FA2H: variants seen among roughly 807,000 people sequenced by gnomAD.
FA2H encodes fatty acid alpha-hydroxylase.
FA2H carries 22 observed loss-of-function variants against 44.9 expected under a neutral mutation model. The ratio of observed to expected loss-of-function variants is 0.49; its 90% CI spans 0.35 to 0.70. FA2H has a LOEUF of 0.70. Ranked by LOEUF, FA2H falls within the 30% of genes least tolerant of loss-of-function variation. The probability of loss-of-function intolerance (pLI) is 0.01; values close to 1 mark genes in which losing one functional copy is unlikely to be tolerated. For synonymous variants in FA2H, 243 were observed against 213.2 expected (o/e 1.14, Z -1.22); for missense variants, 501 against 504.9 (o/e 0.99, Z 0.07).
At chr16:74,755,180 G>A (rs1037677370) in intron 1 of FA2H, among the ~76,000 whole-genome samples, 2 of 149,512 alleles carry the variant, frequency 1.3e-5, no homozygotes, top group East Asian at 2.0e-4. Context: ...TGGCAGGGCT[G>A]GGGGGTGTTG....
Position 74,740,898 on chromosome 16 carries a change from T to C in FA2H, c.271-783A>G, listed in dbSNP as rs1962283384. Among the ~76,000 whole-genome samples the C allele has an allele frequency of 2.0e-5, 3 of 152,026 alleles. No individual in the cohort carries two copies. The South Asian group carries it at 6.2e-4, about 31-fold the overall frequency. The stretch of plus-strand genomic sequence containing the variant: ...CTGATGAGTCACAGGCTGTGGCTTC[T>C]AGGGCCACATACCCACAAGAAAGAA... On this transcript the variant is annotated intron_variant, in intron 1 of 6. Coordinates refer to ENST00000219368, the MANE Select transcript of FA2H (RefSeq NM_024306.5).
intron 1 of FA2H, among the ~76,000 whole-genome samples, chr16:74,765,609 C>T (rs1962795384): frequency 6.6e-6 from 1 of 152,144 alleles, no homozygotes; most frequent in African/African-American, 2.4e-5. Flanking sequence ...CTCTGCTGCC[C>T]AGACTGGAGT....
chr16:74,716,355 T>C lies in FA2H; in HGVS notation c.1031A>G (p.Gln344Arg). Residue 344 changes from glutamine (Q) to arginine (R), a missense_variant, in exon 6 of 7, where the codon CAG (glutamine) becomes CGG (arginine). Gln to Arg is a conservative substitution (Grantham distance 43). Coordinates refer to ENST00000219368, the MANE Select transcript of FA2H (RefSeq NM_024306.5). ...AHHVKHHFAH[Q>R]KSGFGISTKL... Reference sequence around the variant, plus strand: ...CACAGGCCCATCCTCACCTGACTTCTGATGTGCAAAGTGGTGCTTGACGTG... The same window carrying C: ...CACAGGCCCATCCTCACCTGACTTCCGATGTGCAAAGTGGTGCTTGACGTG... The C allele has an allele frequency of 1.2e-6, 2 of 1,613,890 alleles. No individual in the cohort carries two copies. Among genetic ancestry groups the C allele is most frequent in the Non-Finnish European group, 8.5e-7 (1 of 1,179,920 alleles).
intron 4 of FA2H, 67 bp from the exon 5 acceptor site, chr16:74,719,227 T>G: frequency 7.0e-7 from 1 of 1,422,264 alleles, no homozygotes; most frequent in Non-Finnish European, 9.8e-7. Flanking sequence ...CAGGTGTCCC[T>G]GCCTCACCAT....
At chr16:74,716,638 G>C (rs1481989094) in intron 5 of FA2H, 39 bp from the exon 6 acceptor site, 15 of 1,522,996 alleles carry the variant, frequency 9.8e-6, no homozygotes, top group Middle Eastern at 3.5e-4. Context: ...AGGCAGCCAG[G>C]GGCCCCGGCA....
intron 2 of FA2H, among the ~76,000 whole-genome samples, chr16:74,736,111 G>A (rs1484255245): frequency 6.6e-6 from 1 of 152,216 alleles, no homozygotes; most frequent in Admixed American, 6.5e-5. Context: ...GGAAGCAGAG[G>A]GCAGTGCCCA....
In FA2H at chr16:74,757,040, G is replaced by GA. The variant is rs139531844; in HGVS notation, c.271-16926dup. Among the ~76,000 whole-genome samples the GA allele has an allele frequency of 2.0e-3, 287 of 145,968 alleles. 1 individual carries two copies. The highest frequency in any genetic ancestry group is 6.8e-3 in the Middle Eastern group (2 of 292). On this transcript the variant is annotated intron_variant, in intron 1 of 6. Transcript: ENST00000219368. Reference sequence around the variant, plus strand: ...CAAGGAAATTTAAAGGTTTTGCGTTGAAAAAAAAAACATTAAGCAAGGCAA... The same window carrying GA: ...CAAGGAAATTTAAAGGTTTTGCGTTGAAAAAAAAAAACATTAAGCAAGGCAA...
chr16:74,744,222 A>C (rs1962370939), intron 1 of FA2H, among the ~76,000 whole-genome samples: 1 of 152,244 alleles, frequency 6.6e-6, no homozygotes, highest in Admixed American at 6.5e-5. Flanking sequence ...CCATCCATGA[A>C]TCAGGAGTGT....
chr16:74,743,724 AC>A (rs1208471731), intron 1 of FA2H, among the ~76,000 whole-genome samples: 1 of 152,136 alleles, frequency 6.6e-6, no homozygotes, highest in Non-Finnish European at 1.5e-5. Flanking sequence ...CAATGTCAGG[AC>A]TGATATGCTT....
At chr16:74,721,824 C>T (rs2144610133) in intron 4 of FA2H, among the ~76,000 whole-genome samples, 1 of 152,354 alleles carries the variant, frequency 6.6e-6, no homozygotes, top group Non-Finnish European at 1.5e-5. Context: ...ACACCACATT[C>T]TGCCGGTACC....
At chr16:74,760,265 G>A (rs1221486851) in intron 1 of FA2H, among the ~76,000 whole-genome samples, 1 of 152,186 alleles carries the variant, frequency 6.6e-6, no homozygotes, top group African/African-American at 2.4e-5. Context: ...CATGCTGGGA[G>A]CCACAAATCA....
intron 2 of FA2H, among the ~76,000 whole-genome samples, chr16:74,734,606 A>G (rs967574780): frequency 1.3e-5 from 2 of 152,194 alleles, no homozygotes; most frequent in African/African-American, 4.8e-5. Flanking sequence ...GGCAGGGGGA[A>G]AGGGCAGCCT....
intron 1 of FA2H, among the ~76,000 whole-genome samples, chr16:74,748,361 G>A (rs1433561565): frequency 2.0e-5 from 3 of 152,196 alleles, no homozygotes; most frequent in Non-Finnish European, 4.4e-5. Context: ...TCACCGAGGC[G>A]CACATGTGGC....
chr16:74,716,256 AG>A, intron 6 of FA2H, 90 bp downstream of exon 6: 2 of 1,450,814 alleles, frequency 1.4e-6, no homozygotes, highest in East Asian at 4.5e-5. Flanking sequence ...TACATGGAAC[AG>A]TGCCTTGCCG....
intron 3 of FA2H, among the ~76,000 whole-genome samples, 191 bp from the exon 4 acceptor site, chr16:74,726,522 G>A (rs1961960948): frequency 6.6e-6 from 1 of 152,184 alleles, no homozygotes; most frequent in African/African-American, 2.4e-5. Context: ...CCAAGTAGCT[G>A]GGATTACAGG....
chr16:74,716,874 G>A, intron 5 of FA2H: 1 of 492,172 alleles, frequency 2.0e-6, no homozygotes, highest in Non-Finnish European at 3.7e-6. Context: ...GATGGGTGGG[G>A]TGTGCTGGCG....
At chr16:74,716,919 C>T (rs1395399880) in intron 5 of FA2H, 3 of 363,482 alleles carry the variant, frequency 8.3e-6, no homozygotes, top group Non-Finnish European at 1.5e-5. Context: ...CACTGTGACT[C>T]TGGAATTTGT....
intron 1 of FA2H, among the ~76,000 whole-genome samples, chr16:74,762,357 G>T (rs938284415): frequency 6.6e-6 from 1 of 151,360 alleles, no homozygotes; most frequent in Admixed American, 6.6e-5. Context: ...CAATTTTTTT[G>T]GAAAAACCAC....
chr16:74,759,700 A>C (rs952122874), intron 1 of FA2H, among the ~76,000 whole-genome samples: 10 of 152,362 alleles, frequency 6.6e-5, no homozygotes, highest in Admixed American at 6.5e-4. Flanking sequence ...AGTCACAGCC[A>C]TGCTGGCTGG....
Sources: allele counts gnomAD v4.1 joint callset (sites outside exome capture counted in the v4.1 genomes callset), GRCh38; gene constraint gnomAD v4.1.1; transcripts MANE v1.5; gene names NCBI Gene and HGNC (gene_info 2026-07-23, HGNC 2026-07-21).